Variants in CHCHD6 observed in about 807,000 individuals in gnomAD.
The protein encoded by CHCHD6 is coiled-coil-helix-coiled-coil-helix domain containing 6.
Under a neutral mutation model 32.3 loss-of-function variants are expected in CHCHD6, and 28 were observed. The ratio of observed to expected loss-of-function variants is 0.87; its 90% CI spans 0.64 to 1.19. The LOEUF is 1.19. CHCHD6 is among the 50% of genes most tolerant of loss of function. The pLI, the probability that CHCHD6 is intolerant of heterozygous loss-of-function variation, is 0.00. For missense variants in CHCHD6, 333 were observed against 307.0 expected (o/e 1.08, Z -0.63); for synonymous variants, 122 against 117.5 (o/e 1.04, Z -0.25).
chr3:126,798,133 G>A (rs1181325247), intron 4 of CHCHD6, among the ~76,000 whole-genome samples: 1 of 152,184 alleles, frequency 6.6e-6, no homozygotes, highest in Non-Finnish European at 1.5e-5. Flanking sequence ...GTGGTGTGCT[G>A]GAGGTTCTGC....
intron 4 of CHCHD6, among the ~76,000 whole-genome samples, chr3:126,807,654 A>G (rs1939460035): frequency 6.6e-6 from 1 of 152,250 alleles, no homozygotes; most frequent in Non-Finnish European, 1.5e-5. Flanking sequence ...CCAGATTGAG[A>G]AGGGCCCGTT....
intron 6 of CHCHD6, among the ~76,000 whole-genome samples, chr3:126,945,810 G>A (rs1341119390): frequency 6.6e-6 from 1 of 151,300 alleles, no homozygotes; most frequent in Non-Finnish European, 1.5e-5. Flanking sequence ...GAGACATGGG[G>A]AGACTAAAGG....
chr3:126,719,111 C>T (rs897364109), intron 1 of CHCHD6, among the ~76,000 whole-genome samples: 6 of 152,176 alleles, frequency 3.9e-5, no homozygotes, highest in African/African-American at 1.2e-4. Context: ...GAATGCTTTA[C>T]CCTGGTTGGC....
At chr3:126,912,108 T>C (rs1415282229) in intron 5 of CHCHD6, among the ~76,000 whole-genome samples, 1 of 152,144 alleles carries the variant, frequency 6.6e-6, no homozygotes, top group Non-Finnish European at 1.5e-5. Context: ...GGCTGGGTGA[T>C]ACCCTGTGTT....
intron 6 of CHCHD6, among the ~76,000 whole-genome samples, chr3:126,939,272 C>A (rs1400921257): frequency 6.6e-6 from 1 of 152,142 alleles, no homozygotes; most frequent in Non-Finnish European, 1.5e-5. Flanking sequence ...CTTGGGAAGC[C>A]ATCGGAAGTG....
At chr3:126,707,032 C>T (rs955201614) in intron 1 of CHCHD6, among the ~76,000 whole-genome samples, 2 of 151,986 alleles carry the variant, frequency 1.3e-5, no homozygotes, top group Admixed American at 1.3e-4. Context: ...TTTGGGAGGC[C>T]GAAGTGGGCA....
chr3:126,789,240 A>G (rs1461732812), intron 4 of CHCHD6, among the ~76,000 whole-genome samples: 1 of 152,174 alleles, frequency 6.6e-6, no homozygotes, highest in East Asian at 1.9e-4. Context: ...CTTTACTTCC[A>G]ACTATGTGGT....
intron 6 of CHCHD6, among the ~76,000 whole-genome samples, chr3:126,944,773 A>T (rs924917166): frequency 6.6e-6 from 1 of 152,226 alleles, no homozygotes; most frequent in Admixed American, 6.5e-5. Context: ...AGATTGGAGA[A>T]GGAGTCAAGA....
chr3:126,757,208 G>A (rs1433318636), intron 4 of CHCHD6, among the ~76,000 whole-genome samples: 2 of 152,176 alleles, frequency 1.3e-5, no homozygotes, highest in Non-Finnish European at 2.9e-5. Context: ...TGGATTTTGG[G>A]TTTTCAGATA....
intron 6 of CHCHD6, among the ~76,000 whole-genome samples, chr3:126,938,552 A>G (rs796901005): frequency 2.9e-4 from 44 of 152,336 alleles, no homozygotes; most frequent in African/African-American, 1.0e-3. Context: ...AGACTCTTCC[A>G]AATTTCAATT....
chr3:126,836,135 A>G (rs1309477939), intron 4 of CHCHD6, among the ~76,000 whole-genome samples: 1 of 152,256 alleles, frequency 6.6e-6, no homozygotes. Context: ...CTGTGCTCAT[A>G]GAAGGCAGTG....
chr3:126,885,593 G>A (rs1472718144), intron 5 of CHCHD6, among the ~76,000 whole-genome samples: 3 of 152,188 alleles, frequency 2.0e-5, no homozygotes, highest in African/African-American at 7.2e-5. Flanking sequence ...TAAGAGATAT[G>A]AGCTCTTTCA....
At chr3:126,814,581 A>G (rs1289149960) in intron 4 of CHCHD6, among the ~76,000 whole-genome samples, 4 of 152,196 alleles carry the variant, frequency 2.6e-5, no homozygotes, top group African/African-American at 4.8e-5. Flanking sequence ...TAAAAACCTA[A>G]GAGGACAGAC....
chr3:126,753,443 A>G (rs7652283), intron 4 of CHCHD6, among the ~76,000 whole-genome samples: 14,636 of 152,208 alleles, frequency 0.096, 1,881 homozygotes, highest in African/African-American at 0.3. Flanking sequence ...TTCCAGGAGC[A>G]TGCTGCAGCC....
chr3:126,766,560 A>T lies in CHCHD6; in HGVS notation c.411+33338A>T, dbSNP rs536105189. 1.8e-5 allele frequency: 20 copies of T among 1,135,740 alleles called. No homozygotes were observed. The East Asian group carries it at 4.8e-4, about 27-fold the overall frequency. The allele number at this position is 1,135,740 out of a possible 1,614,324, so 70.4% of individuals were successfully genotyped here. A position where few individuals can be genotyped will look rare whatever the true frequency, so the allele number is the denominator to read the frequency against. ...TGACCTCTGAGAAAATGCCATCCAG[A>T]GTCTTCACCTCCTGGGCTGCAGTGG... On this transcript the variant is annotated intron_variant, in intron 4 of 7. Coordinates refer to ENST00000290913, the MANE Select transcript of CHCHD6 (RefSeq NM_032343.3).
chr3:126,770,541 T>C (rs1205516489), intron 4 of CHCHD6, among the ~76,000 whole-genome samples: 1 of 152,206 alleles, frequency 6.6e-6, no homozygotes, highest in Non-Finnish European at 1.5e-5. Flanking sequence ...CATGAAGGGA[T>C]GTTGAATTTT....
At chr3:126,797,921 C>T (rs138218066) in intron 4 of CHCHD6, among the ~76,000 whole-genome samples, 6 of 152,336 alleles carry the variant, frequency 3.9e-5, no homozygotes, top group African/African-American at 1.4e-4. Flanking sequence ...TGTCTGGCTC[C>T]AGTCCTCCTT....
At chr3:126,932,817 C>T (rs1438895338) in intron 6 of CHCHD6, among the ~76,000 whole-genome samples, 1 of 152,218 alleles carries the variant, frequency 6.6e-6, no homozygotes, top group Non-Finnish European at 1.5e-5. Flanking sequence ...CCCTTGGAGC[C>T]TCCCTGTCCG....
Position 126,960,276 on chromosome 3 carries a change from C to G in CHCHD6, c.*75C>G. 6.5e-7 allele frequency: 1 copy of G among 1,530,646 alleles called. No individual in the cohort carries two copies. Among genetic ancestry groups the G allele is most frequent in the African/African-American group, 1.4e-5 (1 of 72,810 alleles). The allele number at this position is 1,530,646 out of a possible 1,614,324, so 94.8% of individuals were successfully genotyped here. A position where few individuals can be genotyped will look rare whatever the true frequency, so the allele number is the denominator to read the frequency against. On this transcript the variant is annotated 3_prime_UTR_variant, in exon 8 of 8. Transcript: ENST00000290913. ...GGGACCAATCATGGGACCACAGCCA[C>G]TGTGCCCTGCCGTTTCCTGCTGGGC...
Sources: gnomAD v4.1 joint callset for allele counts (sites outside exome capture counted in the v4.1 genomes callset) on GRCh38, gnomAD v4.1.1 for gene constraint, MANE v1.5 for transcripts, NCBI Gene and HGNC (gene_info 2026-07-23, HGNC 2026-07-21) for gene names.